The following CCDC171 variants were observed in gnomAD, a reference collection of about 807,000 sequenced individuals.
CCDC171 encodes coiled-coil domain-containing protein 171.
A neutral mutation model predicts 168.2 loss-of-function variants in CCDC171; 177 were observed. The ratio of observed to expected loss-of-function variants is 1.05; its 90% CI spans 0.93 to 1.19. The LOEUF (loss-of-function observed/expected upper bound fraction) is 1.19, where lower values mean the gene tolerates loss of function less well. Ranked by LOEUF, CCDC171 falls within the 50% of genes most tolerant of loss-of-function variation. The pLI is 0.00. For synonymous variants in CCDC171, 687 were observed against 540.8 expected (o/e 1.27, Z -3.75); for missense variants, 1,991 against 1,539.0 (o/e 1.29, Z -4.91).
intron 24 of CCDC171, among the ~76,000 whole-genome samples, chr9:15,882,004 T>C (rs1588977486): frequency 6.6e-6 from 1 of 152,236 alleles, no homozygotes; most frequent in Non-Finnish European, 1.5e-5. Flanking sequence ...TTTTAGTTTT[T>C]TGAGGAAACT....
At chr9:15,656,457 G>C (rs182852682) in intron 7 of CCDC171, among the ~76,000 whole-genome samples, 1 of 152,060 alleles carries the variant, frequency 6.6e-6, no homozygotes, top group Non-Finnish European at 1.5e-5. Flanking sequence ...AGCTTTATTT[G>C]TAATTGCCTA....
At chr9:15,857,533 G>C (rs747535723) in intron 23 of CCDC171, among the ~76,000 whole-genome samples, 1 of 151,434 alleles carries the variant, frequency 6.6e-6, no homozygotes, top group African/African-American at 2.4e-5. Context: ...AGTGATTCTC[G>C]TTCCTCAACC....
chr9:15,578,765 C>G (rs1009545154), intron 3 of CCDC171, 84 bp from the exon 4 acceptor site: 17 of 1,108,518 alleles, frequency 1.5e-5, no homozygotes, highest in African/African-American at 6.4e-5. Context: ...ATTATGGAAA[C>G]AAGTTTCTCT....
intron 1 of CCDC171, chr9:15,553,754 A>T (rs1036658923): frequency 6.6e-6 from 1 of 152,096 alleles, no homozygotes; most frequent in African/African-American, 2.4e-5. Flanking sequence ...ACCCTCCAGG[A>T]CTCTGAGAGA....
intron 3 of CCDC171, among the ~76,000 whole-genome samples, chr9:15,985,012 A>G (rs551278550): frequency 6.6e-6 from 1 of 152,196 alleles, no homozygotes; most frequent in South Asian, 2.1e-4. Flanking sequence ...GAGAAAAGGC[A>G]TCAAACATAT....
At chr9:15,773,703 A>AT (rs71325932) in intron 18 of CCDC171, among the ~76,000 whole-genome samples, 74,114 of 151,032 alleles carry the variant, frequency 0.49, 18,520 homozygotes, top group East Asian at 0.76. Flanking sequence ...TCACTAGAGG[A>AT]TTTTTTTTTG....
chr9:15,833,450 C>T (rs967912840), intron 21 of CCDC171, among the ~76,000 whole-genome samples: 17 of 152,088 alleles, frequency 1.1e-4, no homozygotes, highest in Non-Finnish European at 2.2e-4. Flanking sequence ...TATGTTGTGC[C>T]ACTTAAAATC....
chr9:15,803,385 G>A (rs1387695666), intron 21 of CCDC171, among the ~76,000 whole-genome samples: 1 of 150,252 alleles, frequency 6.7e-6, no homozygotes, highest in African/African-American at 2.4e-5. Flanking sequence ...GTTTTTTTTT[G>A]TAGTTTTGTG....
chr9:15,756,035 G>C (rs1018440175), intron 18 of CCDC171, among the ~76,000 whole-genome samples: 1 of 152,112 alleles, frequency 6.6e-6, no homozygotes, highest in African/African-American at 2.4e-5. Flanking sequence ...GAAGGCAAAA[G>C]CTTTCCCATA....
At chr9:15,857,054 GTTAT>G (rs940693680) in intron 23 of CCDC171, among the ~76,000 whole-genome samples, 27 of 151,998 alleles carry the variant, frequency 1.8e-4, no homozygotes, top group Admixed American at 1.3e-3. Flanking sequence ...TTAAAATGAG[GTTAT>G]TAGTTTCTTT....
intron 24 of CCDC171, among the ~76,000 whole-genome samples, chr9:15,893,090 A>G (rs1244632051): frequency 6.6e-6 from 1 of 152,194 alleles, no homozygotes; most frequent in Non-Finnish European, 1.5e-5. Flanking sequence ...GCACAGATAC[A>G]TAGACTAATG....
At chr9:15,582,237 C>G (rs1269158441) in intron 4 of CCDC171, among the ~76,000 whole-genome samples, 3 of 152,234 alleles carry the variant, frequency 2.0e-5, no homozygotes, top group Non-Finnish European at 4.4e-5. Context: ...GTTGTCATCT[C>G]ACACCAGTTA....
In CCDC171 at chr9:15,801,415, T is replaced by C. The variant is rs375494383; in HGVS notation, c.3267+16721T>C. 9.2e-5 allele frequency among the ~76,000 whole-genome samples: 14 copies of C among 152,162 alleles called. No individual in the cohort carries two copies. The East Asian group carries it at 1.5e-3, about 17-fold the overall frequency. On this transcript the variant is annotated intron_variant, in intron 21 of 25. Coordinates refer to ENST00000380701, the MANE Select transcript of CCDC171 (RefSeq NM_173550.4). ...ACTTTTTTTATTGTTTTATTTCAGATTGTTTACTTTAGGCATATGGAAATA... is the reference window on the plus strand; with the variant it reads ...ACTTTTTTTATTGTTTTATTTCAGACTGTTTACTTTAGGCATATGGAAATA...
chr9:15,662,327 T>A (rs1197456517), intron 8 of CCDC171, among the ~76,000 whole-genome samples: 2 of 143,462 alleles, frequency 1.4e-5, no homozygotes, highest in Non-Finnish European at 3.0e-5. Context: ...ATTCCAGAAA[T>A]TTTGGATAAT....
chr9:15,797,011 C>T (rs1374471415), intron 21 of CCDC171, among the ~76,000 whole-genome samples: 1 of 152,170 alleles, frequency 6.6e-6, no homozygotes, highest in African/African-American at 2.4e-5. Flanking sequence ...TCTATCAGCA[C>T]TGTACGAAAG....
chr9:15,566,635 T>G (rs371986371), intron 2 of CCDC171, among the ~76,000 whole-genome samples: 1 of 152,220 alleles, frequency 6.6e-6, no homozygotes, highest in Non-Finnish European at 1.5e-5. Flanking sequence ...ACTTTTTGTT[T>G]TCTTAATAGT....
downstream of CCDC171, among the ~76,000 whole-genome samples, chr9:15,975,554 C>G (rs1231914259): frequency 6.6e-6 from 1 of 152,134 alleles, no homozygotes; most frequent in South Asian, 2.1e-4. Context: ...ACACCACCCT[C>G]ACTGTGTTGC....
Position 15,591,376 on chromosome 9 carries a change from A to C in CCDC171, c.363A>C (p.Ser121=). The C allele has an allele frequency of 3.1e-6, 5 of 1,597,140 alleles. No individual in the cohort carries two copies. The highest frequency in any genetic ancestry group is 4.3e-6 in the Non-Finnish European group (5 of 1,172,154). ...TTCTATTCTTAATAGCACAGAATTC[A>C]GAACTTCAAGCAAAGACAAATGAGA... The part of the protein sequence containing the change: ...RIQEKLCAQN[S]ELQAKTNETE... Residue 121 remains serine, a synonymous_variant, in exon 5 of 26, where the codon TCA becomes TCC. Transcript: ENST00000380701.
chr9:15,699,119 G>A (rs1280786363), intron 11 of CCDC171, among the ~76,000 whole-genome samples: 1 of 152,150 alleles, frequency 6.6e-6, no homozygotes, highest in East Asian at 1.9e-4. Context: ...CGTGTCCAGA[G>A]TTTGTTCCTT....
Sources: allele counts gnomAD v4.1 joint callset (sites outside exome capture counted in the v4.1 genomes callset), GRCh38; gene constraint gnomAD v4.1.1; transcripts MANE v1.5; gene names NCBI Gene and HGNC (gene_info 2026-07-23, HGNC 2026-07-21).